ARID1B: variants seen among roughly 807,000 people sequenced by gnomAD.
The protein encoded by ARID1B is AT-rich interactive domain-containing protein 1B.
In ARID1B, 30 loss-of-function variants were observed where a neutral mutation model predicts 212.3. That is an observed-to-expected ratio of 0.14 (90% CI 0.11 to 0.19). The LOEUF (loss-of-function observed/expected upper bound fraction) is 0.19, where lower values mean the gene tolerates loss of function less well. ARID1B is among the 10% of genes least tolerant of loss of function. The pLI, the probability that ARID1B is intolerant of heterozygous loss-of-function variation, is 1.00. For synonymous variants in ARID1B, 1,402 were observed against 1,301.7 expected, an observed-to-expected ratio of 1.08 and a Z score of -1.66; for missense variants, 2,891 against 3,204.0, an observed-to-expected ratio of 0.90 and a Z score of 2.36.
chr6:156,990,531 C>T (rs1299146244), intron 4 of ARID1B, among the ~76,000 whole-genome samples: 1 of 152,120 alleles, frequency 6.6e-6, no homozygotes, highest in African/African-American at 2.4e-5. Context: ...ATCCCAGCCA[C>T]TCGGGAGGCT....
intron 2 of ARID1B, among the ~76,000 whole-genome samples, chr6:156,860,912 G>A (rs937367658): frequency 6.6e-6 from 1 of 152,154 alleles, no homozygotes; most frequent in Non-Finnish European, 1.5e-5. Context: ...TTGTGCCAGA[G>A]TTACTTGCTT....
rs918651133 is a variant in ARID1B at position 156,955,304 on chromosome 6, C to A, written c.2247+19728C>A. 6.6e-6 allele frequency among the ~76,000 whole-genome samples: 1 copy of A among 152,242 alleles called. No homozygotes were observed. Among genetic ancestry groups the A allele is most frequent in the Non-Finnish European group, 1.5e-5 (1 of 68,042 alleles). Reference sequence around the variant, plus strand: ...GCTAAATCCAGAGCTTTCTGACATTCTGGTTATTGCCATTCAACCAGGTGT... The same window carrying A: ...GCTAAATCCAGAGCTTTCTGACATTATGGTTATTGCCATTCAACCAGGTGT... On this transcript the variant is annotated intron_variant, in intron 4 of 19. Coordinates refer to ENST00000636930, the MANE Select transcript of ARID1B (RefSeq NM_001374828.1). This position sits in a 1 kb window ranked among gnomAD's most constrained non-coding sequence, Gnocchi z 4.2.
intron 2 of ARID1B, among the ~76,000 whole-genome samples, chr6:156,849,753 T>C (rs1784461451): frequency 1.3e-5 from 2 of 152,092 alleles, no homozygotes; most frequent in Non-Finnish European, 2.9e-5. Flanking sequence ...TCTTTTGTTT[T>C]TAAAGCCCTT....
intron 11 of ARID1B, 107 bp downstream of exon 11, chr6:157,175,112 A>C: frequency 1.0e-6 from 1 of 980,038 alleles, no homozygotes; most frequent in South Asian, 4.5e-5. Context: ...TTGTTTTGTA[A>C]GACTTTTTCT....
chr6:156,913,862 T>C (rs1790119816), intron 3 of ARID1B, among the ~76,000 whole-genome samples: 1 of 145,808 alleles, frequency 6.9e-6, no homozygotes, highest in Non-Finnish European at 1.5e-5. Context: ...CCCCAGCCCA[T>C]GAGCCACCAT....
At chr6:157,103,311 TAGC>T (rs985132394) in intron 5 of ARID1B, among the ~76,000 whole-genome samples, 4 of 152,144 alleles carry the variant, frequency 2.6e-5, no homozygotes, top group African/African-American at 9.7e-5. Flanking sequence ...AGATATAATA[TAGC>T]GGGGAACCAA....
intron 2 of ARID1B, among the ~76,000 whole-genome samples, chr6:156,880,238 G>A (rs1347341240): frequency 1.3e-5 from 2 of 152,094 alleles, no homozygotes; most frequent in South Asian, 2.1e-4. Context: ...GAGAAGGGAG[G>A]AGCTAGAAAA....
chr6:157,083,120 T>G (rs368751969), intron 4 of ARID1B, among the ~76,000 whole-genome samples: 3 of 152,328 alleles, frequency 2.0e-5, no homozygotes, highest in African/African-American at 7.2e-5. Context: ...AGGTTTACTC[T>G]TAGAATCTTA....
At chr6:157,006,032 T>G (rs1779234682) in intron 4 of ARID1B, among the ~76,000 whole-genome samples, 1 of 152,146 alleles carries the variant, frequency 6.6e-6, no homozygotes, top group Non-Finnish European at 1.5e-5. Context: ...TTCTTATTCT[T>G]GCCACCCCAC....
At chr6:157,066,556 A>G (rs958046425) in intron 4 of ARID1B, among the ~76,000 whole-genome samples, 1 of 152,162 alleles carries the variant, frequency 6.6e-6, no homozygotes, top group African/African-American at 2.4e-5. Flanking sequence ...TGCTTGTATG[A>G]TGATATTATA....
chr6:157,096,302 C>G (rs914988353), intron 5 of ARID1B, among the ~76,000 whole-genome samples: 4 of 152,132 alleles, frequency 2.6e-5, no homozygotes, highest in African/African-American at 9.7e-5. Flanking sequence ...TAAACATGGG[C>G]CAAATTAAAG....
At chr6:156,935,906 A>G (rs1041028173) in intron 4 of ARID1B, 3 of 245,144 alleles carry the variant, frequency 1.2e-5, no homozygotes, top group African/African-American at 6.9e-5. Context: ...TACAGAACAG[A>G]GGTGTCCTTA....
rs769749724 is a variant in ARID1B, at chr6:157,184,308, G to A, written c.3792G>A (p.Leu1264=). The A allele has an allele frequency of 1.2e-5, 20 of 1,614,068 alleles. No homozygotes were observed. Among genetic ancestry groups the A allele is most frequent in the Non-Finnish European group, 1.7e-6 (2 of 1,180,032 alleles). ...VGTSSSAASS[L]KKQYIQYLFA... The stretch of plus-strand genomic sequence containing the variant: ...CCTCAAGCAGTGCAGCGAGCTCCCT[G>A]AAAAAGCAGTATATTCAGTACCTGT... The change falls in exon 13 of 20, where the codon CTG becomes CTA. Residue 1264 remains leucine (L), a synonymous_variant. Coordinates refer to ENST00000636930, the MANE Select transcript of ARID1B (RefSeq NM_001374828.1).
intron 4 of ARID1B, among the ~76,000 whole-genome samples, chr6:156,979,780 T>C (rs1162099206): frequency 1.6e-4 from 24 of 152,186 alleles, no homozygotes; most frequent in Admixed American, 1.6e-3. Flanking sequence ...ATGATCTCTA[T>C]CTCTTGACCT....
At chr6:156,874,833 G>A (rs539776930) in intron 2 of ARID1B, among the ~76,000 whole-genome samples, 3 of 152,076 alleles carry the variant, frequency 2.0e-5, no homozygotes, top group South Asian at 2.1e-4. Context: ...CAGAACGTGC[G>A]TAGTGCCTTA....
chr6:156,853,177 A>C (rs1758971725), intron 2 of ARID1B, among the ~76,000 whole-genome samples: 1 of 152,258 alleles, frequency 6.6e-6, no homozygotes, highest in Non-Finnish European at 1.5e-5. Flanking sequence ...TGTGCTTTAA[A>C]TCTTACTTAA....
At chr6:157,027,895 T>G (rs1198161340) in intron 4 of ARID1B, among the ~76,000 whole-genome samples, 1 of 152,234 alleles carries the variant, frequency 6.6e-6, no homozygotes, top group East Asian at 1.9e-4. Flanking sequence ...TTAGCCACAA[T>G]TTTTATCTTT....
intron 5 of ARID1B, among the ~76,000 whole-genome samples, chr6:157,104,038 T>C (rs1786286214): frequency 6.6e-6 from 1 of 152,136 alleles, no homozygotes; most frequent in African/African-American, 2.4e-5. Flanking sequence ...GGTTTCACCA[T>C]GTTGGCCAGG....
chr6:157,110,836 T>A, intron 6 of ARID1B: 1 of 494,502 alleles, frequency 2.0e-6, no homozygotes, highest in Non-Finnish European at 3.7e-6. Context: ...CATATGACTG[T>A]AGTCTGGTAT....
Sources: allele counts gnomAD v4.1 joint callset (sites outside exome capture counted in the v4.1 genomes callset), GRCh38; gene constraint gnomAD v4.1.1; non-coding constraint Gnocchi (gnomAD v3.1); transcripts MANE v1.5; gene names NCBI Gene and HGNC (gene_info 2026-07-23, HGNC 2026-07-21).